Variants in CDK14 observed in about 807,000 individuals in gnomAD.
CDK14 encodes cyclin-dependent kinase 14.
A neutral mutation model predicts 60.7 loss-of-function variants in CDK14; 34 were observed. That is an observed-to-expected ratio of 0.56 (90% CI 0.43 to 0.75). CDK14 has a LOEUF of 0.75. Among genes scored for constraint, CDK14 ranks in the 30% least tolerant of loss-of-function variants. CDK14 has a pLI of 0.00. For synonymous variants in CDK14, 197 were observed against 203.7 expected (o/e 0.97, Z 0.28); for missense variants, 482 against 564.1 (o/e 0.85, Z 1.47).
chr7:90,826,830 T>C (rs1789741061), intron 5 of CDK14, among the ~76,000 whole-genome samples: 1 of 152,144 alleles, frequency 6.6e-6, no homozygotes, highest in Non-Finnish European at 1.5e-5. Context: ...CTTGTATTAT[T>C]GTGGTACATT....
intron 6 of CDK14, among the ~76,000 whole-genome samples, chr7:90,863,668 A>G (rs1008629895): frequency 4.9e-4 from 24 of 48,900 alleles, no homozygotes; most frequent in South Asian, 4.8e-3. Flanking sequence ...GCTTATTAAG[A>G]TATGTGTGTG....
chr7:90,750,481 A>G (rs1299198379), intron 4 of CDK14, among the ~76,000 whole-genome samples: 1 of 152,234 alleles, frequency 6.6e-6, no homozygotes, highest in Non-Finnish European at 1.5e-5. Context: ...TACACAAAGA[A>G]ACTTCTAAAT....
intron 10 of CDK14, among the ~76,000 whole-genome samples, chr7:91,024,478 C>G (rs185562241): frequency 3.9e-5 from 6 of 152,190 alleles, no homozygotes; most frequent in South Asian, 2.1e-4. Flanking sequence ...ATAGAGAAAC[C>G]CCATCTCTAC....
intron 14 of CDK14, among the ~76,000 whole-genome samples, chr7:91,178,643 C>T (rs1403300555): frequency 2.6e-5 from 4 of 152,068 alleles, no homozygotes; most frequent in Admixed American, 6.6e-5. Context: ...AAAAGGTGGG[C>T]GAAGGACATG....
chr7:90,907,686 C>A (rs958145431), intron 7 of CDK14, among the ~76,000 whole-genome samples: 1 of 152,056 alleles, frequency 6.6e-6, no homozygotes, highest in East Asian at 1.9e-4. Context: ...GAAGTATCCG[C>A]AATCCTATTG....
At chr7:90,837,725 G>T (rs1184322618) in intron 5 of CDK14, among the ~76,000 whole-genome samples, 1 of 152,070 alleles carries the variant, frequency 6.6e-6, no homozygotes, top group African/African-American at 2.4e-5. Context: ...ACTGGATTCT[G>T]CCTTCTTGAC....
chr7:90,825,486 T>A (rs1485864364), intron 5 of CDK14, among the ~76,000 whole-genome samples: 2 of 152,148 alleles, frequency 1.3e-5, no homozygotes, highest in Non-Finnish European at 2.9e-5. Flanking sequence ...CTTAAATACT[T>A]TTAGAGGACT....
chr7:91,113,736 A>G (rs1799535410), intron 13 of CDK14, among the ~76,000 whole-genome samples: 1 of 151,952 alleles, frequency 6.6e-6, no homozygotes, highest in South Asian at 2.1e-4. Context: ...ATAATATTGG[A>G]TTCTCCTTGA....
chr7:90,762,075 G>A (rs912014777), intron 4 of CDK14, among the ~76,000 whole-genome samples: 1 of 152,032 alleles, frequency 6.6e-6, no homozygotes, highest in Non-Finnish European at 1.5e-5. Context: ...ATAAGAGAGG[G>A]GTATAGATAG....
intron 5 of CDK14, among the ~76,000 whole-genome samples, chr7:90,806,108 TATATA>T (rs1053716100): frequency 3.6e-4 from 55 of 152,294 alleles, no homozygotes; most frequent in African/African-American, 1.3e-3. Context: ...TATACACCCT[TATATA>T]ATAATATACA....
chr7:91,005,287 G>A lies in CDK14; in HGVS notation c.1041+21046G>A, dbSNP rs140280607. Among the ~76,000 whole-genome samples, 505 of 152,352 alleles carry A rather than the reference G, an allele frequency of 3.3e-3. 2 individuals carry two copies. The highest frequency in any genetic ancestry group is 0.012 in the African/African-American group (488 of 41,578). ...TGGAAGGTGAACACCACTTCGTGGT[G>A]GGTGCACTGCTGGGAACACAAGCCA... is the stretch of plus-strand genomic sequence containing the variant. On this transcript the variant is annotated intron_variant, in intron 10 of 14. Coordinates refer to ENST00000380050, the MANE Select transcript of CDK14 (RefSeq NM_001287135.2).
chr7:91,078,972 G>A (rs1798403040), intron 11 of CDK14, among the ~76,000 whole-genome samples: 1 of 152,184 alleles, frequency 6.6e-6, no homozygotes, highest in South Asian at 2.1e-4. Context: ...GACCCTGGTA[G>A]TTTGGCTTTG....
rs527387102 is a variant in CDK14, at chr7:90,919,478, T to A, written c.826+1754T>A. ...AAAACCAAATTGAAATATAATTTTT[T>A]AAAATTTAGATGATTTTTTTAGAAA... is the stretch of plus-strand genomic sequence containing the variant. On this transcript the variant is annotated intron_variant, in intron 8 of 14. Coordinates refer to ENST00000380050, the MANE Select transcript of CDK14 (RefSeq NM_001287135.2). Among the ~76,000 whole-genome samples, 193 of 152,264 alleles carry A rather than the reference T, an allele frequency of 1.3e-3. 2 individuals are homozygous for A. Among genetic ancestry groups the A allele is most frequent in the African/African-American group, 4.2e-3 (175 of 41,564 alleles).
At chr7:90,611,031 C>G (rs754787786) in intron 2 of CDK14, among the ~76,000 whole-genome samples, 1 of 152,142 alleles carries the variant, frequency 6.6e-6, no homozygotes, top group Non-Finnish European at 1.5e-5. Flanking sequence ...TCCCATTGAT[C>G]TCAGAGGGGG....
chr7:90,835,872 A>G (rs780888012), intron 5 of CDK14, among the ~76,000 whole-genome samples: 4 of 152,232 alleles, frequency 2.6e-5, no homozygotes, highest in Non-Finnish European at 5.9e-5. Context: ...TATATAGCCC[A>G]TTGCTCCTCG....
intron 2 of CDK14, among the ~76,000 whole-genome samples, chr7:90,615,286 C>G (rs1360453051): frequency 1.3e-5 from 2 of 152,184 alleles, no homozygotes; most frequent in Non-Finnish European, 2.9e-5. Context: ...TTGCAAGTTA[C>G]AATTTAAAAG....
intron 9 of CDK14, among the ~76,000 whole-genome samples, chr7:90,963,284 T>C (rs1019670047): frequency 6.6e-6 from 1 of 151,828 alleles, no homozygotes; most frequent in Non-Finnish European, 1.5e-5. Flanking sequence ...TCAGTTACCA[T>C]GGTAGAGTGT....
chr7:90,825,614 A>C (rs1043751226), intron 5 of CDK14, among the ~76,000 whole-genome samples: 1 of 152,222 alleles, frequency 6.6e-6, no homozygotes, highest in Non-Finnish European at 1.5e-5. Context: ...GATTATTATT[A>C]GATAATTTCT....
intron 12 of CDK14, among the ~76,000 whole-genome samples, chr7:91,091,056 G>A (rs1724750): frequency 0.1 from 15,164 of 151,526 alleles, 986 homozygotes; most frequent in Non-Finnish European, 0.14. Flanking sequence ...CAAATAAAGC[G>A]TAGGTTTGTA....
Sources: allele counts gnomAD v4.1 joint callset (sites outside exome capture counted in the v4.1 genomes callset), GRCh38; gene constraint gnomAD v4.1.1; transcripts MANE v1.5; gene names NCBI Gene and HGNC (gene_info 2026-07-23, HGNC 2026-07-21).